CHST11: variants seen among roughly 807,000 people sequenced by gnomAD.
CHST11 encodes the protein C4S-1.
CHST11 carries 9 observed loss-of-function variants against 30.4 expected under a neutral mutation model. That is an observed-to-expected ratio of 0.30 (90% CI 0.18 to 0.52). The LOEUF (loss-of-function observed/expected upper bound fraction) is 0.52, where lower values mean the gene tolerates loss of function less well. Ranked by LOEUF, CHST11 falls within the 20% of genes least tolerant of loss-of-function variation. CHST11 has a pLI of 0.97. For missense variants in CHST11, 348 were observed against 460.6 expected (o/e 0.76, Z 2.24); for synonymous variants, 152 against 187.8 (o/e 0.81, Z 1.56).
chr12:104,488,697 G>A (rs1399565407), intron 1 of CHST11, among the ~76,000 whole-genome samples: 1 of 136,958 alleles, frequency 7.3e-6, no homozygotes, highest in Admixed American at 6.9e-5. Context: ...ATGCGTATGT[G>A]TGTGTATGTG....
intron 1 of CHST11, among the ~76,000 whole-genome samples, chr12:104,469,196 C>T (rs879839259): frequency 6.6e-6 from 1 of 152,198 alleles, no homozygotes. Flanking sequence ...GTGTGAGGCT[C>T]CTGTGAATAT....
intron 2 of CHST11, among the ~76,000 whole-genome samples, chr12:104,620,383 A>G (rs1178748019): frequency 1.3e-5 from 2 of 152,250 alleles, no homozygotes; most frequent in Non-Finnish European, 2.9e-5. Context: ...CTGACATCCA[A>G]TTATTCACGG....
chr12:104,701,854 T>C (rs2039992910), intron 2 of CHST11, among the ~76,000 whole-genome samples: 1 of 152,214 alleles, frequency 6.6e-6, no homozygotes, highest in African/African-American at 2.4e-5. Context: ...GTGCTGGACA[T>C]GGCAGGGGGC....
intron 2 of CHST11, among the ~76,000 whole-genome samples, chr12:104,622,573 A>G (rs555052505): frequency 4.2e-4 from 64 of 152,316 alleles, no homozygotes; most frequent in African/African-American, 1.5e-3. Context: ...TCCCCAGCCA[A>G]GTAAGCTCTT....
chr12:104,739,119 G>T (rs1343756531), intron 2 of CHST11, among the ~76,000 whole-genome samples: 3 of 152,220 alleles, frequency 2.0e-5, no homozygotes, highest in Non-Finnish European at 4.4e-5. Context: ...ACGCCGGTGT[G>T]TGCCAGAGGA....
chr12:104,709,764 G>T (rs2040070103), intron 2 of CHST11, among the ~76,000 whole-genome samples: 1 of 152,188 alleles, frequency 6.6e-6, no homozygotes, highest in Non-Finnish European at 1.5e-5. Context: ...GTAGGGGGAT[G>T]GGGACAGAGG....
At chr12:104,675,964 C>T (rs2039738620) in intron 2 of CHST11, among the ~76,000 whole-genome samples, 1 of 152,136 alleles carries the variant, frequency 6.6e-6, no homozygotes, top group Non-Finnish European at 1.5e-5. Flanking sequence ...GGCTAAAATC[C>T]AGGTCTGACT....
chr12:104,611,508 A>G (rs969347500), intron 2 of CHST11, among the ~76,000 whole-genome samples: 2 of 152,164 alleles, frequency 1.3e-5, no homozygotes, highest in Non-Finnish European at 2.9e-5. Context: ...TTTCTTATTC[A>G]TCTTGGGGTG....
At chr12:104,692,589 G>A (rs1461129137) in intron 2 of CHST11, among the ~76,000 whole-genome samples, 1 of 152,074 alleles carries the variant, frequency 6.6e-6, no homozygotes, top group Admixed American at 6.5e-5. Context: ...ACTTAAACCA[G>A]GGGTCCCTAA....
intron 2 of CHST11, among the ~76,000 whole-genome samples, chr12:104,616,130 C>T (rs911573893): frequency 1.3e-5 from 2 of 152,154 alleles, no homozygotes; most frequent in Non-Finnish European, 2.9e-5. Flanking sequence ...CAGGTGGAGG[C>T]TAAGATCACT....
At chr12:104,681,847 T>C (rs1212465009) in intron 2 of CHST11, among the ~76,000 whole-genome samples, 1 of 112,688 alleles carries the variant, frequency 8.9e-6, no homozygotes, top group South Asian at 2.9e-4. Context: ...TTTTTTTTTT[T>C]TGAGATGGAG....
chr12:104,605,419 A>C (rs2038995160), intron 2 of CHST11, among the ~76,000 whole-genome samples: 1 of 152,144 alleles, frequency 6.6e-6, no homozygotes, highest in Non-Finnish European at 1.5e-5. Flanking sequence ...CTCCACTAAA[A>C]ATACAAAAAA....
At chr12:104,702,141 G>A (rs537348044) in intron 2 of CHST11, among the ~76,000 whole-genome samples, 2 of 152,176 alleles carry the variant, frequency 1.3e-5, no homozygotes, top group East Asian at 3.9e-4. Flanking sequence ...TCTACCCCAG[G>A]TAACTCATGA....
intron 1 of CHST11, chr12:104,588,811 A>T (rs2038830251): frequency 6.6e-6 from 1 of 152,236 alleles, no homozygotes; most frequent in Non-Finnish European, 1.5e-5. Context: ...CGTCCCAGCA[A>T]AACAGCTTAA....
At chr12:104,470,088 A>G (rs1818772276) in intron 1 of CHST11, among the ~76,000 whole-genome samples, 1 of 152,246 alleles carries the variant, frequency 6.6e-6, no homozygotes, top group Non-Finnish European at 1.5e-5. Context: ...TGCTACTGGC[A>G]TTTAGTGAGT....
rs141886382 is a variant in CHST11, at chr12:104,716,944, G to A, written c.205-40005G>A. ...AATCAAGGGGATTATTGCTTCGGGG[G>A]CCACCTTCATTCCTTGGCTCATGAC... On this transcript the variant is annotated intron_variant, in intron 2 of 2. Coordinates refer to ENST00000303694, the MANE Select transcript of CHST11 (RefSeq NM_018413.6). Among the ~76,000 whole-genome samples, 23 of 152,280 alleles carry A rather than the reference G, an allele frequency of 1.5e-4. No homozygotes were observed. The East Asian group carries it at 3.9e-3, about 26-fold the overall frequency.
chr12:104,603,684 T>G (rs914997396), intron 2 of CHST11, among the ~76,000 whole-genome samples: 1 of 152,196 alleles, frequency 6.6e-6, no homozygotes, highest in African/African-American at 2.4e-5. Flanking sequence ...GTCAGTATGA[T>G]TTGTCATTTT....
intron 1 of CHST11, among the ~76,000 whole-genome samples, chr12:104,509,021 A>G (rs1161743288): frequency 6.6e-6 from 1 of 152,034 alleles, no homozygotes; most frequent in African/African-American, 2.4e-5. Context: ...CTGCCAGGTT[A>G]TCTTCCCTAT....
intron 1 of CHST11, among the ~76,000 whole-genome samples, chr12:104,470,405 T>C (rs964058328): frequency 7.2e-5 from 11 of 152,058 alleles, no homozygotes; most frequent in African/African-American, 2.7e-4. Context: ...AGCCATCAGA[T>C]CTCATGAGAC....
Sources: gnomAD v4.1 joint callset for allele counts (sites outside exome capture counted in the v4.1 genomes callset) on GRCh38, gnomAD v4.1.1 for gene constraint, MANE v1.5 for transcripts, NCBI Gene and HGNC (gene_info 2026-07-23, HGNC 2026-07-21) for gene names.